NAALADL2: variants seen among roughly 807,000 people sequenced by gnomAD.
The protein encoded by NAALADL2 is inactive N-acetylated-alpha-linked acidic dipeptidase-like protein 2.
In NAALADL2, 76 loss-of-function variants were observed where a neutral mutation model predicts 87.2. That is an observed-to-expected ratio of 0.87 (90% CI 0.72 to 1.05). The LOEUF is 1.05. Ranked by LOEUF, NAALADL2 falls within the 50% of genes least tolerant of loss-of-function variation. NAALADL2 has a pLI of 0.00. For synonymous variants in NAALADL2, 354 were observed against 331.0 expected, an observed-to-expected ratio of 1.07 and a Z score of -0.75; for missense variants, 1,089 against 945.8, an observed-to-expected ratio of 1.15 and a Z score of -1.99.
intron 5 of NAALADL2, among the ~76,000 whole-genome samples, chr3:175,358,016 A>T (rs1764581026): frequency 6.6e-6 from 1 of 152,186 alleles, no homozygotes; most frequent in Admixed American, 6.6e-5. Context: ...TAGTTTATGG[A>T]ATTATCAAAT....
At chr3:175,356,576 A>AAATAAATAATAAT (rs1553872602) in intron 5 of NAALADL2, among the ~76,000 whole-genome samples, 7 of 131,748 alleles carry the variant, frequency 5.3e-5, no homozygotes, top group Non-Finnish European at 9.5e-5. Flanking sequence ...CCCTGTGTCA[A>AAATAAATAATAAT]AATAATAATA....
chr3:174,895,817 TCAG>T (rs1560335840), intron 1 of NAALADL2, among the ~76,000 whole-genome samples: 3 of 152,162 alleles, frequency 2.0e-5, no homozygotes, highest in African/African-American at 7.2e-5. Flanking sequence ...CAACCTGAAT[TCAG>T]CAACACATTA....
intron 2 of NAALADL2, among the ~76,000 whole-genome samples, chr3:175,117,681 G>C (rs139671674): frequency 0.068 from 10,329 of 150,856 alleles, 726 homozygotes; most frequent in African/African-American, 0.18. Context: ...CTGTAAACTA[G>C]TTCAACCATT....
intron 9 of NAALADL2, among the ~76,000 whole-genome samples, chr3:175,526,922 TACACTC>T (rs904835273): frequency 6.6e-6 from 1 of 152,198 alleles, no homozygotes; most frequent in Non-Finnish European, 1.5e-5. Flanking sequence ...AAAGAGGAGT[TACACTC>T]CAGGCTTGAG....
chr3:174,798,345 TTG>T (rs1307638569), intron 3 of NAALADL2, among the ~76,000 whole-genome samples: 14 of 152,332 alleles, frequency 9.2e-5, no homozygotes, highest in African/African-American at 3.1e-4. Flanking sequence ...TTTATGGGGT[TTG>T]AAATTTGGAA....
At chr3:174,443,689 C>T (rs540238216) in intron 1 of NAALADL2, among the ~76,000 whole-genome samples, 1 of 152,044 alleles carries the variant, frequency 6.6e-6, no homozygotes, top group South Asian at 2.1e-4. Flanking sequence ...CCAGACTTTA[C>T]GTCATAAAAT....
chr3:175,158,083 A>C (rs1216778815), intron 2 of NAALADL2, among the ~76,000 whole-genome samples: 3 of 151,990 alleles, frequency 2.0e-5, no homozygotes, highest in Non-Finnish European at 4.4e-5. Flanking sequence ...TTTTTTGAGG[A>C]GTTTTCTTTA....
intron 3 of NAALADL2, among the ~76,000 whole-genome samples, chr3:175,241,396 T>C (rs1746846216): frequency 6.6e-6 from 1 of 151,950 alleles, no homozygotes; most frequent in Admixed American, 6.6e-5. Context: ...AATTTTTGTA[T>C]TTTTAGTAGG....
chr3:175,217,336 CAGA>C (rs769819837), intron 2 of NAALADL2, among the ~76,000 whole-genome samples: 2 of 152,152 alleles, frequency 1.3e-5, no homozygotes, highest in Non-Finnish European at 2.9e-5. Flanking sequence ...GCAGTCCTTG[CAGA>C]AGCTTTGTGT....
intron 1 of NAALADL2, among the ~76,000 whole-genome samples, chr3:175,089,024 G>GA (rs11425531): frequency 0.35 from 51,993 of 150,540 alleles, 9,915 homozygotes; most frequent in African/African-American, 0.53. Context: ...AACAGCAGGA[G>GA]AAAAAAAAAA....
chr3:175,036,233 A>G (rs1235971965), intron 1 of NAALADL2, among the ~76,000 whole-genome samples: 3 of 151,996 alleles, frequency 2.0e-5, no homozygotes, highest in Admixed American at 1.3e-4. Flanking sequence ...CTTCTGAACC[A>G]CTTTTTCTGT....
At chr3:174,800,839 G>A (rs896597865) in intron 3 of NAALADL2, among the ~76,000 whole-genome samples, 5 of 152,194 alleles carry the variant, frequency 3.3e-5, no homozygotes, top group Non-Finnish European at 5.9e-5. Flanking sequence ...TGAGAGACAT[G>A]GAGTCAAAGG....
intron 13 of NAALADL2, among the ~76,000 whole-genome samples, chr3:175,758,976 T>A (rs567394933): frequency 6.6e-6 from 1 of 152,132 alleles, no homozygotes; most frequent in Non-Finnish European, 1.5e-5. Context: ...TGTATTTAGA[T>A]CATGTCCCAA....
intron 11 of NAALADL2, among the ~76,000 whole-genome samples, chr3:175,636,989 C>A (rs751970786): frequency 4.6e-5 from 7 of 152,154 alleles, no homozygotes; most frequent in Non-Finnish European, 8.8e-5. Flanking sequence ...ATTCATCACC[C>A]AAGAACTTCA....
chr3:175,389,248 T>G (rs1042496407), intron 5 of NAALADL2, among the ~76,000 whole-genome samples: 1 of 152,144 alleles, frequency 6.6e-6, no homozygotes, highest in Admixed American at 6.6e-5. Flanking sequence ...AAAAATAATA[T>G]AGGGTTGGAT....
chr3:175,124,555 T>C (rs1013251015), intron 2 of NAALADL2: 1 of 152,000 alleles, frequency 6.6e-6, no homozygotes, highest in African/African-American at 2.4e-5. Context: ...TCATTTTACA[T>C]TGGGCATATT....
At chr3:175,112,921 T>C (rs551654133) in intron 2 of NAALADL2, among the ~76,000 whole-genome samples, 30 of 151,736 alleles carry the variant, frequency 2.0e-4, no homozygotes, top group African/African-American at 7.0e-4. Flanking sequence ...ATGCTTTAGA[T>C]ACATTAATAT....
chr3:175,557,462 C>A (rs1486824200), intron 9 of NAALADL2, among the ~76,000 whole-genome samples: 1 of 152,064 alleles, frequency 6.6e-6, no homozygotes, highest in Non-Finnish European at 1.5e-5. Flanking sequence ...ACTATAGTCA[C>A]CCCATTGTGC....
chr3:175,595,651 G>T (rs567268531), intron 10 of NAALADL2, among the ~76,000 whole-genome samples: 1 of 151,872 alleles, frequency 6.6e-6, no homozygotes, highest in Non-Finnish European at 1.5e-5. Context: ...CAGCCACAGA[G>T]AAAATGAAAA....
Sources: allele counts gnomAD v4.1 joint callset (sites outside exome capture counted in the v4.1 genomes callset), GRCh38; gene constraint gnomAD v4.1.1; transcripts MANE v1.5; gene names NCBI Gene and HGNC (gene_info 2026-07-23, HGNC 2026-07-21).